HFM1: variants seen among roughly 807,000 people sequenced by gnomAD.
HFM1 encodes helicase for meiosis 1, also known as probable ATP-dependent DNA helicase HFM1.
In HFM1, 169 loss-of-function variants were observed where a neutral mutation model predicts 192.1. The ratio of observed to expected loss-of-function variants is 0.88; its 90% CI spans 0.78 to 1.00. The LOEUF (loss-of-function observed/expected upper bound fraction) is 1.00. Among genes scored for constraint, HFM1 ranks in the 50% least tolerant of loss-of-function variants. HFM1 has a pLI of 0.00. For missense variants in HFM1, 1,661 were observed against 1,668.0 expected (o/e 1.00, Z 0.07); for synonymous variants, 525 against 537.8 (o/e 0.98, Z 0.33).
intron 30 of HFM1, among the ~76,000 whole-genome samples, chr1:91,304,115 A>G (rs1649260427): frequency 6.6e-6 from 1 of 152,096 alleles, no homozygotes; most frequent in Non-Finnish European, 1.5e-5. Flanking sequence ...TCGGCCTCCC[A>G]AAGTGTTGGG....
chr1:91,380,714 A>T (rs1661455722), intron 7 of HFM1, among the ~76,000 whole-genome samples, 198 bp downstream of exon 7: 1 of 152,158 alleles, frequency 6.6e-6, no homozygotes, highest in Admixed American at 6.6e-5. Flanking sequence ...AGATTTCACC[A>T]CTGCACTCAA....
At chr1:91,291,696 A>G (rs1226019908) in intron 30 of HFM1, among the ~76,000 whole-genome samples, 3 of 152,088 alleles carry the variant, frequency 2.0e-5, no homozygotes, top group African/African-American at 7.2e-5. Context: ...TCCCTAACTC[A>G]TTTTATGAGG....
At chr1:91,383,071 C>T (rs531997883) in intron 6 of HFM1, among the ~76,000 whole-genome samples, 1 of 152,248 alleles carries the variant, frequency 6.6e-6, no homozygotes, top group Admixed American at 6.5e-5. Flanking sequence ...CTTTAAAATA[C>T]ATACTTGGAA....
intron 13 of HFM1, among the ~76,000 whole-genome samples, chr1:91,373,344 C>T (rs370075947): frequency 6.6e-6 from 1 of 152,034 alleles, no homozygotes; most frequent in South Asian, 2.1e-4. Flanking sequence ...TGCTCATATC[C>T]ACATGTCCAA....
chr1:91,275,972 A>G (rs1414110087), intron 32 of HFM1, among the ~76,000 whole-genome samples: 1 of 152,176 alleles, frequency 6.6e-6, no homozygotes, highest in Non-Finnish European at 1.5e-5. Flanking sequence ...TCTAGCTCCT[A>G]CTTGCCTCTT....
At chr1:91,369,945 A>C (rs1659932157) in intron 13 of HFM1, among the ~76,000 whole-genome samples, 1 of 152,238 alleles carries the variant, frequency 6.6e-6, no homozygotes, top group Non-Finnish European at 1.5e-5. Flanking sequence ...AACTACCATC[A>C]GAGAATACTA....
At chr1:91,347,063 C>G (rs1311809543) in intron 19 of HFM1, among the ~76,000 whole-genome samples, 1 of 152,006 alleles carries the variant, frequency 6.6e-6, no homozygotes, top group Non-Finnish European at 1.5e-5. Flanking sequence ...GAGCTATGAT[C>G]ACGCCACTGC....
chr1:91,401,216 A>AT, intron 1 of HFM1, 107 bp from the exon 2 acceptor site: 1 of 584,320 alleles, frequency 1.7e-6, no homozygotes, highest in South Asian at 2.2e-5. Context: ...ATAACCACAG[A>AT]CTATCCTTCC....
intron 13 of HFM1, among the ~76,000 whole-genome samples, chr1:91,361,849 C>T (rs1440800452): frequency 6.6e-6 from 1 of 152,082 alleles, no homozygotes; most frequent in Non-Finnish European, 1.5e-5. Context: ...AAAAGCTTAC[C>T]CACCATGATC....
chr1:91,359,685 T>A (rs1262618864), intron 13 of HFM1, among the ~76,000 whole-genome samples: 1 of 151,866 alleles, frequency 6.6e-6, no homozygotes, highest in Non-Finnish European at 1.5e-5. Flanking sequence ...AAAACCACAC[T>A]GGAAAACATA....
chr1:91,302,794 G>C (rs960934259), intron 30 of HFM1, among the ~76,000 whole-genome samples: 1 of 143,928 alleles, frequency 6.9e-6, no homozygotes, highest in Non-Finnish European at 1.5e-5. Context: ...GGGTGGGGGG[G>C]AGGGGGAAGG....
At chr1:91,399,718 C>G (rs1664084540) in intron 2 of HFM1, among the ~76,000 whole-genome samples, 5 of 152,184 alleles carry the variant, frequency 3.3e-5, no homozygotes, top group Admixed American at 6.5e-5. Context: ...TCAAATCCTT[C>G]AAAGCCTCCT....
intron 30 of HFM1, among the ~76,000 whole-genome samples, chr1:91,303,430 G>A (rs1252471930): frequency 6.6e-6 from 1 of 152,098 alleles, no homozygotes; most frequent in African/African-American, 2.4e-5. Context: ...AGATATTTGG[G>A]TTGTTTCCAG....
At chr1:91,261,419 C>A in intron 38 of HFM1, 60 bp from the exon 39 acceptor site, 2 of 730,280 alleles carry the variant, frequency 2.7e-6, no homozygotes, top group Non-Finnish European at 4.0e-6. Flanking sequence ...TTTTAAAATA[C>A]ACAATAAATA....
intron 8 of HFM1, 48 bp downstream of exon 8, chr1:91,380,056 G>A (rs1393750066): frequency 2.2e-6 from 2 of 895,174 alleles, no homozygotes; most frequent in Non-Finnish European, 3.2e-6. Context: ...TTGCTTCAAT[G>A]GTTTTTCATT....
intron 5 of HFM1, 107 bp downstream of exon 5, chr1:91,385,468 C>T (rs1327888572): frequency 2.1e-6 from 2 of 961,014 alleles, no homozygotes; most frequent in Admixed American, 2.5e-5. Context: ...AGAAATTGCA[C>T]AGAGAGATAA....
intron 30 of HFM1, among the ~76,000 whole-genome samples, chr1:91,308,797 T>C (rs1650018884): frequency 6.6e-6 from 1 of 152,180 alleles, no homozygotes; most frequent in Non-Finnish European, 1.5e-5. Context: ...TGTCTGTGGT[T>C]TCCAGATTAC....
At chr1:91,270,040 G>C (rs1235786428) in intron 34 of HFM1, among the ~76,000 whole-genome samples, 2 of 152,098 alleles carry the variant, frequency 1.3e-5, no homozygotes, top group East Asian at 3.8e-4. Flanking sequence ...AACTATTGAA[G>C]ATGTTTCAGC....
Position 91,375,409 on chromosome 1 carries a change from G to A in HFM1, c.1634C>T (p.Ser545Phe). ...AAATTTAGCATCTTTCACAAGAACA[G>A]AAGCAGCCTGTTGCACACCCTTCCT... ...ATRKGVQQAASVLVKDAKFIM... is the reference protein window; with the variant it reads ...ATRKGVQQAAFVLVKDAKFIM... Residue 545 changes from serine (S) to phenylalanine (F), a missense_variant, in exon 13 of 39, where the codon TCT becomes TTT. By Grantham distance (155) the Ser-to-Phe change is radical. Coordinates refer to ENST00000370425, the MANE Select transcript of HFM1 (RefSeq NM_001017975.6). The A allele has an allele frequency of 6.2e-7, 1 of 1,613,110 alleles. No individual in the cohort carries two copies.
Sources: allele counts gnomAD v4.1 joint callset (sites outside exome capture counted in the v4.1 genomes callset), GRCh38; gene constraint gnomAD v4.1.1; transcripts MANE v1.5; gene names NCBI Gene and HGNC (gene_info 2026-07-23, HGNC 2026-07-21).